Variants in MACROD2 observed in about 807,000 individuals in gnomAD.
The protein encoded by MACROD2 is mono-ADP ribosylhydrolase 2.
A neutral mutation model predicts 70.4 loss-of-function variants in MACROD2; 36 were observed. That is an observed-to-expected ratio of 0.51 (90% CI 0.39 to 0.68). The LOEUF is 0.68. MACROD2 is among the 30% of genes least tolerant of loss of function. MACROD2 has a pLI of 0.00. For missense variants in MACROD2, 496 were observed against 538.4 expected, an observed-to-expected ratio of 0.92 and a Z score of 0.78; for synonymous variants, 172 against 178.8, an observed-to-expected ratio of 0.96 and a Z score of 0.30.
intron 3 of MACROD2, among the ~76,000 whole-genome samples, chr20:14,417,409 C>T (rs1160025183): frequency 6.6e-6 from 1 of 152,074 alleles, no homozygotes; most frequent in Non-Finnish European, 1.5e-5. Context: ...GACCATTAGC[C>T]AGACAGAAAA....
chr20:15,360,854 A>G (rs1303448567), intron 6 of MACROD2, among the ~76,000 whole-genome samples: 2 of 151,418 alleles, frequency 1.3e-5, no homozygotes, highest in African/African-American at 4.9e-5. Flanking sequence ...ATCCAAATAT[A>G]CTCTTCAGTG....
intron 17 of MACROD2, 74 bp from the exon 18 acceptor site, chr20:16,049,756 A>C: frequency 2.0e-6 from 3 of 1,494,612 alleles, no homozygotes; most frequent in Non-Finnish European, 2.8e-6. Context: ...TGGCTGTATT[A>C]AAAATGTATT....
intron 8 of MACROD2, among the ~76,000 whole-genome samples, chr20:15,538,593 C>T (rs2047908946): frequency 6.6e-6 from 1 of 152,084 alleles, no homozygotes; most frequent in South Asian, 2.1e-4. Flanking sequence ...TGCAAATCTT[C>T]CAGGGGAATT....
intron 5 of MACROD2, among the ~76,000 whole-genome samples, chr20:14,752,742 T>C (rs2071890319): frequency 6.6e-6 from 1 of 152,124 alleles, no homozygotes; most frequent in African/African-American, 2.4e-5. Flanking sequence ...CCGTATTACT[T>C]TGCAGTTCCG....
intron 7 of MACROD2, among the ~76,000 whole-genome samples, chr20:15,471,346 T>C (rs2046962093): frequency 6.6e-6 from 1 of 152,176 alleles, no homozygotes. Context: ...CCTGCTCCAC[T>C]CAAGGAATGG....
chr20:15,806,501 A>G (rs1379128761), intron 8 of MACROD2, among the ~76,000 whole-genome samples: 2 of 152,090 alleles, frequency 1.3e-5, no homozygotes, highest in East Asian at 1.9e-4. Flanking sequence ...TATTTATTAT[A>G]TGTCTGTGAT....
intron 3 of MACROD2, among the ~76,000 whole-genome samples, chr20:14,147,833 AC>A (rs2054961628): frequency 6.6e-6 from 1 of 151,792 alleles, no homozygotes; most frequent in Non-Finnish European, 1.5e-5. Flanking sequence ...TTTTTATTAA[AC>A]CTATTTTTAG....
chr20:14,539,270 C>A (rs1789237104), intron 4 of MACROD2, among the ~76,000 whole-genome samples: 1 of 152,090 alleles, frequency 6.6e-6, no homozygotes, highest in South Asian at 2.1e-4. Flanking sequence ...GCAGTTGTTT[C>A]CTGAAGCAGT....
chr20:14,820,508 C>CT (rs1241644382), intron 5 of MACROD2, among the ~76,000 whole-genome samples: 1 of 151,902 alleles, frequency 6.6e-6, no homozygotes, highest in Non-Finnish European at 1.5e-5. Flanking sequence ...GGCATAACTG[C>CT]TTAAACTCAA....
At position 14,443,286 on chromosome 20, in the gene MACROD2, T is replaced by A. The variant is rs565299021; in HGVS notation, c.272-50193T>A. On this transcript the variant is annotated intron_variant, in intron 3 of 17. Coordinates refer to ENST00000684519, the MANE Select transcript of MACROD2 (RefSeq NM_001351661.2). ...GAGATTAAATTAAGAGGGTATAGGG[T>A]GTATTACCTATGCTTTTTTTTTTTT... Among the ~76,000 whole-genome samples, 40 of 149,978 alleles carry A rather than the reference T, an allele frequency of 2.7e-4. 1 individual carries two copies. In the South Asian group the frequency reaches 8.5e-3, roughly 32 times the overall value.
intron 5 of MACROD2, among the ~76,000 whole-genome samples, chr20:15,139,699 T>C (rs1257572920): frequency 6.6e-6 from 1 of 152,212 alleles, no homozygotes; most frequent in Non-Finnish European, 1.5e-5. Flanking sequence ...TTATTAGTGC[T>C]GTATGTTCAG....
At chr20:15,658,777 A>G (rs1011660046) in intron 8 of MACROD2, among the ~76,000 whole-genome samples, 2 of 152,100 alleles carry the variant, frequency 1.3e-5, no homozygotes, top group African/African-American at 4.8e-5. Flanking sequence ...AAACTCTAAT[A>G]TAGTCTACAT....
chr20:15,507,554 A>C (rs1288138508), intron 8 of MACROD2, among the ~76,000 whole-genome samples: 1 of 143,810 alleles, frequency 7.0e-6, no homozygotes, highest in African/African-American at 2.6e-5. Context: ...AGCCCGCCCC[A>C]GCCCAGACAA....
chr20:14,596,881 A>T (rs976403351), intron 4 of MACROD2, among the ~76,000 whole-genome samples: 2 of 152,176 alleles, frequency 1.3e-5, no homozygotes, highest in African/African-American at 4.8e-5. Flanking sequence ...AAAGGCCTTC[A>T]CAAGATGCAG....
At position 14,833,683 on chromosome 20, in the gene MACROD2, G is replaced by A. The variant is rs751845291; in HGVS notation, c.418+148724G>A. ...TCTAATGTAGGTACTAGGACAAAAC[G>A]GTCACCTCATTAGTATGTAGTATTT... is the stretch of plus-strand genomic sequence containing the variant. On this transcript the variant is annotated intron_variant, in intron 5 of 17. Transcript: ENST00000684519. Among the ~76,000 whole-genome samples the A allele has an allele frequency of 4.5e-4, 69 of 151,900 alleles. 2 individuals are homozygous for A. Among genetic ancestry groups the A allele is most frequent in the Non-Finnish European group, 8.4e-4 (57 of 67,938 alleles).
intron 8 of MACROD2, among the ~76,000 whole-genome samples, chr20:15,768,774 C>T (rs1159062901): frequency 6.6e-6 from 1 of 152,086 alleles, no homozygotes; most frequent in African/African-American, 2.4e-5. Flanking sequence ...TATCTTTATT[C>T]CGTAAGCTTT....
At chr20:14,583,477 C>T (rs191808517) in intron 4 of MACROD2, among the ~76,000 whole-genome samples, 1 of 152,264 alleles carries the variant, frequency 6.6e-6, no homozygotes, top group Non-Finnish European at 1.5e-5. Context: ...GTATATTGGC[C>T]TAATCTTCTT....
intron 3 of MACROD2, among the ~76,000 whole-genome samples, chr20:14,456,132 T>C (rs529725528): frequency 6.6e-6 from 1 of 151,870 alleles, no homozygotes; most frequent in Non-Finnish European, 1.5e-5. Context: ...AAGGATTTCT[T>C]ATGTGTTCAT....
chr20:14,635,063 G>C (rs915768192), intron 4 of MACROD2, among the ~76,000 whole-genome samples: 3 of 152,226 alleles, frequency 2.0e-5, no homozygotes, highest in African/African-American at 7.2e-5. Flanking sequence ...GGTGAAGGTG[G>C]TGTGGCCTGT....
Sources: allele counts gnomAD v4.1 joint callset (sites outside exome capture counted in the v4.1 genomes callset), GRCh38; gene constraint gnomAD v4.1.1; transcripts MANE v1.5; gene names NCBI Gene and HGNC (gene_info 2026-07-23, HGNC 2026-07-21).